The following ADAMTSL1 variants were observed in gnomAD, a reference collection of about 807,000 sequenced individuals.
ADAMTSL1 encodes the protein ADAMTS-like protein 1.
Under a neutral mutation model 201.8 loss-of-function variants are expected in ADAMTSL1, and 126 were observed. The observed-to-expected ratio is 0.62, with a 90% confidence interval of 0.54 to 0.72. The LOEUF (loss-of-function observed/expected upper bound fraction) is 0.72. Among genes scored for constraint, ADAMTSL1 ranks in the 30% least tolerant of loss-of-function variants. ADAMTSL1 has a pLI of 0.00. For synonymous variants in ADAMTSL1, 1,121 were observed against 903.4 expected, an observed-to-expected ratio of 1.24 and a Z score of -4.32; for missense variants, 2,679 against 2,277.8, an observed-to-expected ratio of 1.18 and a Z score of -3.59.
At chr9:18,538,942 G>T (rs1414153567) in intron 3 of ADAMTSL1, among the ~76,000 whole-genome samples, 1 of 152,114 alleles carries the variant, frequency 6.6e-6, no homozygotes. Context: ...TCAGACCAGA[G>T]AAATACCCCT....
chr9:18,459,345 T>C (rs1367847128), intron 2 of ADAMTSL1, among the ~76,000 whole-genome samples: 1 of 152,198 alleles, frequency 6.6e-6, no homozygotes, highest in African/African-American at 2.4e-5. Flanking sequence ...TGGTGTTTTA[T>C]TGGACATAGT....
chr9:18,852,661 A>C (rs1826571129), intron 23 of ADAMTSL1, among the ~76,000 whole-genome samples: 1 of 152,206 alleles, frequency 6.6e-6, no homozygotes, highest in African/African-American at 2.4e-5. Context: ...ACTTTCGCCT[A>C]CTAAGGAATC....
chr9:18,513,921 A>C (rs1331103235), intron 2 of ADAMTSL1, among the ~76,000 whole-genome samples: 1 of 152,218 alleles, frequency 6.6e-6, no homozygotes, highest in Non-Finnish European at 1.5e-5. Flanking sequence ...TGAAATCAGG[A>C]ACTGTGATGC....
In ADAMTSL1 at chr9:18,175,731, T is replaced by G. The variant is rs571522358; in HGVS notation, c.207+11750T>G. Among the ~76,000 whole-genome samples, 3 of 152,228 alleles carry G rather than the reference T, an allele frequency of 2.0e-5. No individual in the cohort carries two copies. In the South Asian group the frequency reaches 6.2e-4, roughly 32 times the overall value. Reference sequence around the variant, plus strand: ...TGCTCCAGGAAGCCAGCTCTCATTCTGGTCCTCAGGGTGGCCTTGTCTCTC... The same window carrying G: ...TGCTCCAGGAAGCCAGCTCTCATTCGGGTCCTCAGGGTGGCCTTGTCTCTC... On this transcript the variant is annotated intron_variant, in intron 2 of 29. Coordinates refer to the ADAMTSL1 transcript ENST00000680146.
chr9:18,363,668 T>G (rs577788449), intron 2 of ADAMTSL1, among the ~76,000 whole-genome samples: 9 of 152,294 alleles, frequency 5.9e-5, no homozygotes, highest in African/African-American at 2.2e-4. Context: ...GGTGAGTCCA[T>G]GATATATAAA....
Position 18,829,977 on chromosome 9 carries a change from G to C in ADAMTSL1, c.4249G>C (p.Gly1417Arg). 1.9e-6 allele frequency: 3 copies of C among 1,607,666 alleles called. No homozygotes were observed. The highest frequency in any genetic ancestry group is 2.5e-6 in the Non-Finnish European group (3 of 1,177,134). ...GGATCCTGGGAATTCTGCTCTCCTTGGTGAGTCTAACCCTCGGAAACATTG... is the reference window on the plus strand; with the variant it reads ...GGATCCTGGGAATTCTGCTCTCCTTCGTGAGTCTAACCCTCGGAAACATTG... ...VLDPGNSALL[G>R]CPIKGHPVPN... Residue 1417 changes from glycine to arginine, a missense_variant and splice_region_variant, in exon 23 of 29, where the codon GGC becomes CGC. Coordinates refer to ENST00000380548, the MANE Select transcript of ADAMTSL1 (RefSeq NM_001040272.6).
In ADAMTSL1 at chr9:18,817,178, T is replaced by C. The variant is rs747085624; in HGVS notation, c.3875T>C (p.Ile1292Thr). Residue 1292 changes from isoleucine (I) to threonine (T), a missense_variant, in exon 21 of 29, where the codon ATA becomes ACA. Physicochemically the swap from Ile to Thr is moderately conservative, Grantham distance 89 (BLOSUM62 -1). Coordinates refer to ENST00000380548, the MANE Select transcript of ADAMTSL1 (RefSeq NM_001040272.6). ...NTEKPAVTVD[I>T]GSTIKTVQGV... The stretch of plus-strand genomic sequence containing the variant: ...GAGAAGCCTGCAGTCACAGTCGATA[T>C]AGGAAGCACCATCAAAACAGTGCAG... 90 of 1,583,606 alleles carry C rather than the reference T, an allele frequency of 5.7e-5. No individual in the cohort carries two copies. Among genetic ancestry groups the C allele is most frequent in the Non-Finnish European group, 7.6e-5 (89 of 1,164,144 alleles).
At chr9:18,149,834 C>G (rs1350380551) in intron 1 of ADAMTSL1, among the ~76,000 whole-genome samples, 1 of 151,930 alleles carries the variant, frequency 6.6e-6, no homozygotes, top group East Asian at 1.9e-4. Flanking sequence ...GCAGATGGAG[C>G]AGTCAAGTAG....
At chr9:18,571,112 T>G (rs966765871) in intron 3 of ADAMTSL1, among the ~76,000 whole-genome samples, 1 of 152,184 alleles carries the variant, frequency 6.6e-6, no homozygotes, top group African/African-American at 2.4e-5. Context: ...ACCAACACAA[T>G]TTATTGAACA....
intron 16 of ADAMTSL1, among the ~76,000 whole-genome samples, chr9:18,767,600 G>T (rs191640604): frequency 5.7e-4 from 87 of 152,260 alleles, no homozygotes; most frequent in Non-Finnish European, 1.1e-3. Flanking sequence ...CTAGATAAAT[G>T]GAATTCTTAG....
At position 18,368,022 on chromosome 9, in the gene ADAMTSL1, C is replaced by T. The variant is rs183247978; in HGVS notation, c.208-136807C>T. 2.1e-3 allele frequency among the ~76,000 whole-genome samples: 312 copies of T among 152,158 alleles called. 3 individuals are homozygous for T. Among genetic ancestry groups the T allele is most frequent in the African/African-American group, 7.2e-3 (299 of 41,530 alleles). ...TCACGCCATTCTCCTGCCTCAGCCCCCTGAGTAGCTGGGACTACAGGCGCC... is the reference window on the plus strand; with the variant it reads ...TCACGCCATTCTCCTGCCTCAGCCCTCTGAGTAGCTGGGACTACAGGCGCC... On this transcript the variant is annotated intron_variant, in intron 2 of 29. Coordinates refer to the ADAMTSL1 transcript ENST00000680146.
intron 2 of ADAMTSL1, among the ~76,000 whole-genome samples, chr9:18,326,658 G>C (rs1319937183): frequency 1.3e-5 from 2 of 152,140 alleles, no homozygotes; most frequent in Non-Finnish European, 2.9e-5. Context: ...TTGAGTAATG[G>C]ATTTTCACAC....
At chr9:18,669,751 G>C (rs1829697172) in intron 9 of ADAMTSL1, among the ~76,000 whole-genome samples, 1 of 152,008 alleles carries the variant, frequency 6.6e-6, no homozygotes, top group Non-Finnish European at 1.5e-5. Flanking sequence ...ACTAGGAAGG[G>C]GCAGGTAAGA....
intron 2 of ADAMTSL1, among the ~76,000 whole-genome samples, chr9:18,257,158 G>T (rs887307305): frequency 6.6e-6 from 1 of 152,088 alleles, no homozygotes; most frequent in Non-Finnish European, 1.5e-5. Flanking sequence ...TAGATGTCAG[G>T]TATGGTGATC....
At chr9:18,097,035 A>T (rs1824282072) in intron 1 of ADAMTSL1, among the ~76,000 whole-genome samples, 1 of 152,186 alleles carries the variant, frequency 6.6e-6, no homozygotes. Flanking sequence ...TACTGTCAAG[A>T]TACATGGCGG....
At position 18,341,595 on chromosome 9, in the gene ADAMTSL1, G is replaced by A. The variant is rs192224085; in HGVS notation, c.208-163234G>A. 2.6e-5 allele frequency among the ~76,000 whole-genome samples: 4 copies of A among 152,226 alleles called. No individual in the cohort carries two copies. In the East Asian group the frequency reaches 7.7e-4, roughly 29 times the overall value. ...GCACTGTATTATAATTGCTGGCACT[G>A]TGCTTGGATACATAATTTATAAGTA... On this transcript the variant is annotated intron_variant, in intron 2 of 29. Coordinates refer to the ADAMTSL1 transcript ENST00000680146.
intron 2 of ADAMTSL1, among the ~76,000 whole-genome samples, chr9:18,188,776 G>A (rs1587268570): frequency 6.6e-6 from 1 of 152,052 alleles, no homozygotes; most frequent in African/African-American, 2.4e-5. Context: ...TTATTGTTTT[G>A]TAATTATCTG....
rs547192623 is a variant in ADAMTSL1 at position 18,721,635 on chromosome 9, A to G, written c.1976A>G (p.Lys659Arg). 6 of 1,614,000 alleles carry G rather than the reference A, an allele frequency of 3.7e-6. No individual in the cohort carries two copies. In the African/African-American group the frequency reaches 8.0e-5, roughly 22 times the overall value. ...AGCCGCCGGCCCCCACAGCTCCTGA[A>G]GTCCTGCAATTTGGATCCCTGCCCA... ...VTSRRPPQLL[K>R]SCNLDPCPAR... Residue 659 changes from lysine to arginine, a missense_variant, in exon 15 of 29, where the codon AAG (lysine) becomes AGG (arginine). Physicochemically the swap from Lys to Arg is conservative, Grantham distance 26 (BLOSUM62 2). Coordinates refer to ENST00000380548, the MANE Select transcript of ADAMTSL1 (RefSeq NM_001040272.6).
intron 1 of ADAMTSL1, among the ~76,000 whole-genome samples, chr9:18,158,927 T>C (rs1430678282): frequency 6.6e-6 from 1 of 152,026 alleles, no homozygotes; most frequent in Non-Finnish European, 1.5e-5. Flanking sequence ...CATTTCCTCC[T>C]AATACTTAGC....
Sources: allele counts gnomAD v4.1 joint callset (sites outside exome capture counted in the v4.1 genomes callset), GRCh38; gene constraint gnomAD v4.1.1; transcripts MANE v1.5; gene names NCBI Gene and HGNC (gene_info 2026-07-23, HGNC 2026-07-21).